The following MYO5B variants were observed in gnomAD, a reference collection of about 807,000 sequenced individuals.
MYO5B encodes myosin VB.
MYO5B carries 143 observed loss-of-function variants against 229.3 expected under a neutral mutation model. The observed-to-expected ratio is 0.62, with a 90% confidence interval of 0.54 to 0.72. The LOEUF (loss-of-function observed/expected upper bound fraction) is 0.72. Among genes scored for constraint, MYO5B ranks in the 30% least tolerant of loss-of-function variants. The pLI is 0.00. For synonymous variants in MYO5B, 918 were observed against 885.2 expected, an observed-to-expected ratio of 1.04 and a Z score of -0.66; for missense variants, 2,321 against 2,331.0, an observed-to-expected ratio of 1.00 and a Z score of 0.09.
intron 14 of MYO5B, among the ~76,000 whole-genome samples, chr18:49,943,450 C>T (rs1318781105): frequency 6.6e-6 from 1 of 152,046 alleles, no homozygotes; most frequent in Non-Finnish European, 1.5e-5. Context: ...AGTGAGCTGT[C>T]AGAAATAAAA....
intron 23 of MYO5B, 171 bp from the exon 24 acceptor site, chr18:49,879,261 T>A (rs1256551836): frequency 4.1e-6 from 3 of 737,112 alleles, no homozygotes; most frequent in Non-Finnish European, 6.9e-6. Flanking sequence ...GTGAGTCTCA[T>A]TACTCTGGCT....
intron 1 of MYO5B, among the ~76,000 whole-genome samples, chr18:50,102,986 T>A (rs892179211): frequency 2.6e-5 from 4 of 152,078 alleles, no homozygotes; most frequent in African/African-American, 4.8e-5. Flanking sequence ...ATCCAACAGA[T>A]TGTATGTGAT....
chr18:49,847,167 G>C lies in MYO5B; in HGVS notation c.4438C>G (p.Leu1480Val), dbSNP rs2024139783. Residue 1480 changes from leucine (L) to valine (V), a missense_variant, in exon 33 of 40, where the codon CTC (leucine) becomes GTC (valine). Around this residue, in one of 2 missense-constraint regions of MYO5B, gnomAD observed 2,113 missense variants for 2,044.7 expected, o/e 1.03. Coordinates refer to ENST00000285039, the MANE Select transcript of MYO5B (RefSeq NM_001080467.3). ...LEYHKEDEAL[L>V]IRNLVTDLKP... ...TTACCTGTCACCAGGTTCCGGATGA[G>C]GAGGGCCTCGTCCTCTTTGTGGTAC... 3 of 1,614,024 alleles carry C rather than the reference G, an allele frequency of 1.9e-6. No homozygotes were observed. The East Asian group carries it at 6.7e-5, about 36-fold the overall frequency.
chr18:50,128,948 C>G (rs1286088431), intron 1 of MYO5B, among the ~76,000 whole-genome samples: 9 of 152,336 alleles, frequency 5.9e-5, no homozygotes, highest in Non-Finnish European at 1.2e-4. Context: ...ATTGACAAAC[C>G]CGCAGAGGAT....
chr18:50,027,862 C>T (rs1447901870), intron 4 of MYO5B, among the ~76,000 whole-genome samples: 1 of 152,086 alleles, frequency 6.6e-6, no homozygotes, highest in Admixed American at 6.5e-5. Context: ...TAGCAGAACA[C>T]AAGTACAAGG....
In MYO5B at chr18:50,108,846, C is replaced by T. The variant is rs1265845218; in HGVS notation, c.28-53468G>A. Among the ~76,000 whole-genome samples, 3 of 152,330 alleles carry T rather than the reference C, an allele frequency of 2.0e-5. No homozygotes were observed. In the East Asian group the frequency reaches 5.8e-4, roughly 29 times the overall value. On this transcript the variant is annotated intron_variant, in intron 1 of 39. Transcript: ENST00000285039. Reference sequence around the variant, plus strand: ...CCAGCTCTGAAGTGTTCAAGTCTAACATGAGGCTATATGTGCTGCTTCCAT... The same window carrying T: ...CCAGCTCTGAAGTGTTCAAGTCTAATATGAGGCTATATGTGCTGCTTCCAT...
chr18:49,899,974 C>T (rs567880267), intron 21 of MYO5B, among the ~76,000 whole-genome samples: 1 of 151,706 alleles, frequency 6.6e-6, no homozygotes, highest in South Asian at 2.1e-4. Context: ...TTTGATTTTT[C>T]AAGCACGTGG....
chr18:49,974,356 A>G lies in MYO5B; in HGVS notation c.1316T>C (p.Ile439Thr). The change falls in exon 10 of 40, where the codon ATC (isoleucine) becomes ACC (threonine). Residue 439 changes from isoleucine (I) to threonine (T), a missense_variant. This residue lies in a region of MYO5B where 2,113 missense variants were observed against 2,044.7 expected (regional missense o/e 1.03). Coordinates refer to ENST00000285039, the MANE Select transcript of MYO5B (RefSeq NM_001080467.3). ...KQHSFIGVLD[I>T]YGFETFEVNS... ...AGACAGGCGGCAGGCCTACCCATAG[A>G]TGTCCAGGACCCCGATGAAGGAGTG... is the stretch of plus-strand genomic sequence containing the variant. 6.2e-7 allele frequency: 1 copy of G among 1,614,172 alleles called. No homozygotes were observed. Among genetic ancestry groups the G allele is most frequent in the Non-Finnish European group, 8.5e-7 (1 of 1,180,020 alleles).
intron 4 of MYO5B, among the ~76,000 whole-genome samples, chr18:50,032,588 T>C (rs1201059035): frequency 6.6e-6 from 1 of 152,266 alleles, no homozygotes; most frequent in Non-Finnish European, 1.5e-5. Flanking sequence ...TGGATATTCC[T>C]CATTTGATTT....
At position 49,879,104 on chromosome 18, in the gene MYO5B, C is replaced by G. The variant is rs773115219; in HGVS notation, c.3131-14G>C. ...GGGCAAATTCATCTGGAAAGCAACA[C>G]GCTAAGCTGCAGTTTTTCTGGATGG... On this transcript the variant is annotated splice_polypyrimidine_tract_variant and intron_variant, in intron 23 of 39. Transcript: ENST00000285039. 3 of 1,614,124 alleles carry G rather than the reference C, an allele frequency of 1.9e-6. No homozygotes were observed. The highest frequency in any genetic ancestry group is 1.3e-5 in the African/African-American group (1 of 75,038).
At chr18:49,859,637 T>C (rs942832259) in intron 29 of MYO5B, among the ~76,000 whole-genome samples, 2 of 152,124 alleles carry the variant, frequency 1.3e-5, no homozygotes, top group East Asian at 1.9e-4. Context: ...CATATGAGGG[T>C]GAACAGTTTG....
chr18:50,043,321 AAT>A lies in MYO5B; in HGVS notation c.139-3009_139-3008del, dbSNP rs1200886837. Among the ~76,000 whole-genome samples, 12 of 98,270 alleles carry A rather than the reference AAT, an allele frequency of 1.2e-4. No individual in the cohort carries two copies. In the South Asian group the frequency reaches 2.9e-3, roughly 24 times the overall value. 64.5% of individuals were successfully genotyped at this position (98,270 alleles called of 152,430 possible). A position where few individuals can be genotyped will look rare whatever the true frequency, so the allele number is the denominator to read the frequency against. Reference sequence around the variant, plus strand: ...TATAATATATAATATAAATATATAAAATATATATTTTATATATTTATATTATA... The same window carrying A: ...TATAATATATAATATAAATATATAAAATATATTTTATATATTTATATTATA... On this transcript the variant is annotated intron_variant, in intron 2 of 39. Transcript: ENST00000285039.
intron 34 of MYO5B, among the ~76,000 whole-genome samples, chr18:49,842,000 C>A (rs2144039085): frequency 6.6e-6 from 1 of 151,964 alleles, no homozygotes; most frequent in East Asian, 1.9e-4. Context: ...TATGAGACAG[C>A]TGCTGCATTA....
intron 1 of MYO5B, among the ~76,000 whole-genome samples, chr18:50,131,059 A>G (rs536414525): frequency 6.6e-6 from 1 of 152,246 alleles, no homozygotes; most frequent in Non-Finnish European, 1.5e-5. Flanking sequence ...ACTGATGAAC[A>G]GGAATCAAGT....
chr18:50,088,614 G>GACT (rs1170063105), intron 1 of MYO5B, among the ~76,000 whole-genome samples: 1 of 152,124 alleles, frequency 6.6e-6, no homozygotes, highest in Admixed American at 6.5e-5. Flanking sequence ...CTCTTTCAAG[G>GACT]ACTAGCTCAA....
At chr18:49,841,228 T>G (rs2024053371) in intron 35 of MYO5B, 137 bp downstream of exon 35, 1 of 812,974 alleles carries the variant, frequency 1.2e-6, no homozygotes, top group Non-Finnish European at 2.1e-6. Flanking sequence ...CCACGAGGCA[T>G]GATAAGGTGT....
At chr18:50,023,604 A>G (rs989636962) in intron 4 of MYO5B, among the ~76,000 whole-genome samples, 2 of 152,196 alleles carry the variant, frequency 1.3e-5, no homozygotes, top group Non-Finnish European at 2.9e-5. Context: ...ATATTCTGAG[A>G]AAGTCAATCA....
chr18:49,863,173 G>A (rs1393414753), intron 29 of MYO5B, 54 bp downstream of exon 29: 1 of 1,387,592 alleles, frequency 7.2e-7, no homozygotes, highest in Non-Finnish European at 1.0e-6. Flanking sequence ...GACTCGTTTG[G>A]GCAGGGCCCT....
rs562558203 is a variant in MYO5B at position 50,032,627 on chromosome 18, G to A, written c.455+4223C>T. The stretch of plus-strand genomic sequence containing the variant: ...CATTCATCAGGTGATGAACATATAA[G>A]TTGTTTTCACCTTTTGGCTATTGTG... On this transcript the variant is annotated intron_variant, in intron 4 of 39. Transcript: ENST00000285039. Among the ~76,000 whole-genome samples the A allele has an allele frequency of 9.2e-5, 14 of 152,258 alleles. No homozygotes were observed. The South Asian group carries it at 2.9e-3, about 32-fold the overall frequency.
Sources: allele counts gnomAD v4.1 joint callset (sites outside exome capture counted in the v4.1 genomes callset), GRCh38; gene constraint gnomAD v4.1.1; regional missense constraint gnomAD v4.1.1; transcripts MANE v1.5; gene names NCBI Gene and HGNC (gene_info 2026-07-23, HGNC 2026-07-21).